Variants in MAGI1 observed in about 807,000 individuals in gnomAD.
The protein encoded by MAGI1 is membrane-associated guanylate kinase, WW and PDZ domain-containing protein 1.
MAGI1 carries 58 observed loss-of-function variants against 139.9 expected under a neutral mutation model. The ratio of observed to expected loss-of-function variants is 0.41; its 90% CI spans 0.34 to 0.52. The LOEUF (loss-of-function observed/expected upper bound fraction) is 0.52. MAGI1 is among the 20% of genes least tolerant of loss of function. MAGI1 has a pLI of 0.12. For synonymous variants in MAGI1, 812 were observed against 737.9 expected (o/e 1.10, Z -1.63); for missense variants, 1,874 against 1,901.6 (o/e 0.99, Z 0.27).
intron 1 of MAGI1, among the ~76,000 whole-genome samples, chr3:65,758,588 C>T (rs901200766): frequency 2.0e-5 from 3 of 152,034 alleles, no homozygotes; most frequent in Admixed American, 6.6e-5. Flanking sequence ...GAATATCATG[C>T]CCCAGGAGAC....
intron 1 of MAGI1, among the ~76,000 whole-genome samples, chr3:65,996,586 G>C (rs2066463127): frequency 6.7e-6 from 1 of 150,038 alleles, no homozygotes; most frequent in Non-Finnish European, 1.5e-5. Flanking sequence ...TACCCTTCCA[G>C]TCTGACAGTC....
At chr3:65,721,232 T>C (rs1159856443) in intron 1 of MAGI1, among the ~76,000 whole-genome samples, 1 of 152,152 alleles carries the variant, frequency 6.6e-6, no homozygotes, top group African/African-American at 2.4e-5. Context: ...CACACACACA[T>C]ACATATTTTG....
intron 14 of MAGI1, among the ~76,000 whole-genome samples, chr3:65,387,857 C>A (rs1483831297): frequency 2.0e-5 from 3 of 152,212 alleles, no homozygotes; most frequent in Non-Finnish European, 2.9e-5. Flanking sequence ...GTAAGCATGT[C>A]TCTCCAAGGC....
At chr3:65,681,897 C>G (rs115284346) in intron 1 of MAGI1, among the ~76,000 whole-genome samples, 1 of 151,888 alleles carries the variant, frequency 6.6e-6, no homozygotes. Context: ...GATGAGGTCT[C>G]GATAGGTTGC....
intron 1 of MAGI1, among the ~76,000 whole-genome samples, chr3:65,801,965 A>T (rs1311421974): frequency 6.6e-6 from 1 of 151,994 alleles, no homozygotes; most frequent in African/African-American, 2.4e-5. Flanking sequence ...GGACCATGAA[A>T]CCTATTTTGA....
chr3:65,518,648 T>C (rs978559227), intron 2 of MAGI1, among the ~76,000 whole-genome samples: 2 of 152,160 alleles, frequency 1.3e-5, no homozygotes, highest in Non-Finnish European at 2.9e-5. Flanking sequence ...CAAATTAAAA[T>C]ACTTCACAAA....
intron 2 of MAGI1, among the ~76,000 whole-genome samples, chr3:65,568,185 A>C (rs2080764912): frequency 6.6e-6 from 1 of 152,192 alleles, no homozygotes; most frequent in South Asian, 2.1e-4. Flanking sequence ...CTGGGTAAGG[A>C]GCAGGCAAGG....
intron 1 of MAGI1, among the ~76,000 whole-genome samples, chr3:65,881,933 G>C (rs1290599832): frequency 1.3e-5 from 2 of 152,200 alleles, no homozygotes; most frequent in East Asian, 3.9e-4. Context: ...CCCATCCAAG[G>C]CCTGTCAAGA....
intron 1 of MAGI1, among the ~76,000 whole-genome samples, chr3:65,962,181 G>C (rs895565724): frequency 1.3e-5 from 2 of 148,840 alleles, no homozygotes; most frequent in Non-Finnish European, 3.0e-5. Flanking sequence ...GGAGTGCAGT[G>C]GTGCGATCTC....
At chr3:65,954,746 A>T (rs1226056095) in intron 1 of MAGI1, among the ~76,000 whole-genome samples, 1 of 151,984 alleles carries the variant, frequency 6.6e-6, no homozygotes, top group Non-Finnish European at 1.5e-5. Flanking sequence ...AGTTTCTTAA[A>T]CACTCTCTGC....
chr3:65,844,883 C>T (rs2058932594), intron 1 of MAGI1, among the ~76,000 whole-genome samples: 1 of 152,200 alleles, frequency 6.6e-6, no homozygotes, highest in Admixed American at 6.5e-5. Flanking sequence ...TTTAGGAAGA[C>T]ATCAGCACTC....
Position 65,746,686 on chromosome 3 carries a change from G to A in MAGI1, c.314-124598C>T, listed in dbSNP as rs535390508. On this transcript the variant is annotated intron_variant, in intron 1 of 22. Coordinates refer to ENST00000402939, the MANE Select transcript of MAGI1 (RefSeq NM_001033057.2). ...CATGGAGGGGAAAAGCATGATTCCAGCCATCAAGGGCATTAAAATATAATA... is the reference window on the plus strand; with the variant it reads ...CATGGAGGGGAAAAGCATGATTCCAACCATCAAGGGCATTAAAATATAATA... Among the ~76,000 whole-genome samples the A allele has an allele frequency of 3.3e-5, 5 of 152,178 alleles. No homozygotes were observed. The South Asian group carries it at 1.0e-3, about 32-fold the overall frequency.
chr3:65,849,972 G>A (rs1394299936), intron 1 of MAGI1, among the ~76,000 whole-genome samples: 1 of 152,042 alleles, frequency 6.6e-6, no homozygotes, highest in Non-Finnish European at 1.5e-5. Context: ...TACTAATTTG[G>A]TTCAAAGCAA....
intron 1 of MAGI1, among the ~76,000 whole-genome samples, chr3:65,980,806 T>G (rs1180225120): frequency 6.6e-6 from 1 of 152,328 alleles, no homozygotes; most frequent in Non-Finnish European, 1.5e-5. Flanking sequence ...GTCCAATGTT[T>G]ATTCTACTTA....
intron 17 of MAGI1, among the ~76,000 whole-genome samples, chr3:65,376,837 G>C (rs894622457): frequency 6.6e-6 from 1 of 152,136 alleles, no homozygotes; most frequent in African/African-American, 2.4e-5. Flanking sequence ...ATCAAAGACC[G>C]AGAAAAGTGC....
intron 1 of MAGI1, among the ~76,000 whole-genome samples, chr3:66,034,858 G>A (rs1405914028): frequency 1.3e-5 from 2 of 152,042 alleles, no homozygotes; most frequent in Non-Finnish European, 2.9e-5. Flanking sequence ...TTTTTATGAA[G>A]TTGAAGACAA....
At chr3:65,867,278 C>T (rs1299470628) in intron 1 of MAGI1, among the ~76,000 whole-genome samples, 1 of 152,196 alleles carries the variant, frequency 6.6e-6, no homozygotes, top group Non-Finnish European at 1.5e-5. Flanking sequence ...GCCAGGGGGT[C>T]CCTGAGGGAC....
chr3:65,861,178 A>T (rs938348618), intron 1 of MAGI1, among the ~76,000 whole-genome samples: 1 of 152,204 alleles, frequency 6.6e-6, no homozygotes, highest in African/African-American at 2.4e-5. Context: ...CAGGGAGGCA[A>T]GGAGCCGTAT....
At position 66,038,092 on chromosome 3, in the gene MAGI1, CCT is replaced by C. The variant is rs1485935537; in HGVS notation, c.215_216del (p.Glu72GlyfsTer13). ...PRLGEGELLL[E>X]VQGVRVSGLP... Reference sequence around the variant, plus strand: ...AAGCCGGACACCCGGACCCCCTGCACCTCCAGAAGCAGCTCCCCTTCGCCCAG... The same window carrying C: ...AAGCCGGACACCCGGACCCCCTGCACCCAGAAGCAGCTCCCCTTCGCCCAG... On this transcript the variant is annotated frameshift_variant, in exon 1 of 23. Coordinates refer to ENST00000402939, the MANE Select transcript of MAGI1 (RefSeq NM_001033057.2). LOFTEE classifies it high-confidence loss of function. 6.2e-7 allele frequency: 1 copy of C among 1,612,946 alleles called. No homozygotes were observed.
Sources: gnomAD v4.1 joint callset for allele counts (sites outside exome capture counted in the v4.1 genomes callset) on GRCh38, gnomAD v4.1.1 for gene constraint, MANE v1.5 for transcripts, NCBI Gene and HGNC (gene_info 2026-07-23, HGNC 2026-07-21) for gene names.